The following NCALD variants were observed in gnomAD, a reference collection of about 807,000 sequenced individuals.
The protein encoded by NCALD is neurocalcin delta.
In NCALD, 10 loss-of-function variants were observed where a neutral mutation model predicts 18.6. The observed-to-expected ratio is 0.54, with a 90% CI of 0.33 to 0.91. The LOEUF (loss-of-function observed/expected upper bound fraction) is 0.91, where lower values mean the gene tolerates loss of function less well. Ranked by LOEUF, NCALD falls within the 40% of genes least tolerant of loss-of-function variation. NCALD has a pLI of 0.03. For synonymous variants in NCALD, 88 were observed against 87.4 expected (o/e 1.01, Z -0.04); for missense variants, 184 against 247.6 (o/e 0.74, Z 1.72).
chr8:101,763,449 A>G (rs1425795115), intron 1 of NCALD, among the ~76,000 whole-genome samples: 1 of 152,178 alleles, frequency 6.6e-6, no homozygotes. Context: ...AACCAATGAC[A>G]GGGAAAGGTA....
chr8:102,062,267 C>T (rs531409186), intron 1 of NCALD, among the ~76,000 whole-genome samples: 5 of 152,308 alleles, frequency 3.3e-5, no homozygotes, highest in Middle Eastern at 6.8e-3. Flanking sequence ...CGCACCACTG[C>T]GCTCCAGCCT....
At chr8:101,911,421 G>A (rs1472236163) in intron 3 of NCALD, among the ~76,000 whole-genome samples, 47 of 149,172 alleles carry the variant, frequency 3.2e-4, no homozygotes, top group African/African-American at 1.1e-3. Flanking sequence ...GCAATGGCGC[G>A]ATCTCGGCTC....
At chr8:101,706,318 A>T (rs992040867) in intron 2 of NCALD, among the ~76,000 whole-genome samples, 33 of 133,922 alleles carry the variant, frequency 2.5e-4, no homozygotes, top group African/African-American at 7.0e-4. Context: ...AAGACTATTT[A>T]AAAAAAAAAA....
intron 4 of NCALD, among the ~76,000 whole-genome samples, chr8:101,806,442 A>G (rs568915904): frequency 3.6e-4 from 55 of 152,270 alleles, no homozygotes; most frequent in Non-Finnish European, 5.0e-4. Context: ...AAAGAAAATC[A>G]TACTTTATGA....
intron 1 of NCALD, among the ~76,000 whole-genome samples, chr8:102,085,926 C>T (rs958090959): frequency 2.0e-5 from 3 of 152,086 alleles, no homozygotes; most frequent in African/African-American, 4.8e-5. Flanking sequence ...ATTTTGTTGA[C>T]TCTCATATAT....
Position 101,921,915 on chromosome 8 carries a change from T to C in NCALD, c.-156-6057A>G, listed in dbSNP as rs988363642. Among the ~76,000 whole-genome samples, 5 of 152,054 alleles carry C rather than the reference T, an allele frequency of 3.3e-5. No individual in the cohort carries two copies. The East Asian group carries it at 9.6e-4, about 29-fold the overall frequency. ...TATTCCTTCATCTCAAAGTTATATT[T>C]TTGACACCCAAACATGATACAACTT... On this transcript the variant is annotated intron_variant, in intron 2 of 6. Coordinates refer to the NCALD transcript ENST00000311028.
chr8:101,764,902 T>C (rs1189884023), intron 1 of NCALD, among the ~76,000 whole-genome samples: 5 of 152,206 alleles, frequency 3.3e-5, no homozygotes, highest in South Asian at 4.1e-4. Context: ...TTGTTCTAAC[T>C]TGAACACAGG....
At chr8:101,823,751 A>G (rs757412015) in intron 4 of NCALD, among the ~76,000 whole-genome samples, 26 of 152,218 alleles carry the variant, frequency 1.7e-4, no homozygotes, top group Non-Finnish European at 2.9e-4. Context: ...GCAAAGCTTT[A>G]GGAGGAAGCC....
At chr8:101,961,646 T>C (rs1819840447) in intron 2 of NCALD, among the ~76,000 whole-genome samples, 1 of 152,144 alleles carries the variant, frequency 6.6e-6, no homozygotes, top group South Asian at 2.1e-4. Flanking sequence ...TCCAGGCTGG[T>C]CTTGAAGTCC....
At chr8:101,849,898 T>C (rs1815022331) in intron 4 of NCALD, among the ~76,000 whole-genome samples, 2 of 152,224 alleles carry the variant, frequency 1.3e-5, no homozygotes, top group African/African-American at 4.8e-5. Context: ...CTTCCCTGTG[T>C]TTCCCCAGCC....
chr8:101,769,027 G>A (rs1273862815), intron 1 of NCALD, among the ~76,000 whole-genome samples: 1 of 152,130 alleles, frequency 6.6e-6, no homozygotes, highest in African/African-American at 2.4e-5. Context: ...GAGGTGAGGT[G>A]ATGGTGGAAG....
intron 4 of NCALD, among the ~76,000 whole-genome samples, chr8:101,807,756 C>T (rs1346476108): frequency 6.6e-6 from 1 of 152,162 alleles, no homozygotes; most frequent in Non-Finnish European, 1.5e-5. Context: ...AAATAGCACC[C>T]TTGCATTGTG....
intron 2 of NCALD, among the ~76,000 whole-genome samples, chr8:101,932,993 A>G (rs1337641649): frequency 6.6e-6 from 1 of 152,058 alleles, no homozygotes; most frequent in Non-Finnish European, 1.5e-5. Context: ...GATAGCAACA[A>G]TTTTTCTTCC....
intron 2 of NCALD, among the ~76,000 whole-genome samples, chr8:101,952,526 A>T (rs1281598047): frequency 1.3e-5 from 2 of 152,070 alleles, no homozygotes; most frequent in East Asian, 3.9e-4. Context: ...TGGGAGAATC[A>T]TTTCCAGTGT....
At chr8:101,714,954 G>C (rs543595915) in intron 2 of NCALD, among the ~76,000 whole-genome samples, 1 of 149,234 alleles carries the variant, frequency 6.7e-6, no homozygotes, top group Non-Finnish European at 1.5e-5. Flanking sequence ...CCGAGATTGC[G>C]CCACTGCAGT....
chr8:102,067,126 G>A (rs1007888954), intron 1 of NCALD, among the ~76,000 whole-genome samples: 1 of 152,114 alleles, frequency 6.6e-6, no homozygotes, highest in African/African-American at 2.4e-5. Flanking sequence ...ACCTCCAATA[G>A]AGTCCCCCAA....
chr8:101,857,233 C>T (rs1039340814), intron 4 of NCALD, among the ~76,000 whole-genome samples: 3 of 152,132 alleles, frequency 2.0e-5, no homozygotes, highest in African/African-American at 7.2e-5. Flanking sequence ...CCTCCTCCAA[C>T]TCTGTCTCCT....
At chr8:102,097,844 C>T (rs1825153700) in intron 1 of NCALD, among the ~76,000 whole-genome samples, 2 of 152,166 alleles carry the variant, frequency 1.3e-5, no homozygotes, top group South Asian at 4.1e-4. Flanking sequence ...ACATGACAAG[C>T]CTTCACCCTA....
chr8:101,762,669 G>T (rs1208699299), intron 1 of NCALD, among the ~76,000 whole-genome samples: 2 of 151,506 alleles, frequency 1.3e-5, no homozygotes, highest in Admixed American at 1.3e-4. Context: ...CCATCTCCCA[G>T]GTTCAAGCAG....
Sources: gnomAD v4.1 joint callset for allele counts (sites outside exome capture counted in the v4.1 genomes callset) on GRCh38, gnomAD v4.1.1 for gene constraint, MANE v1.5 for transcripts, NCBI Gene and HGNC (gene_info 2026-07-23, HGNC 2026-07-21) for gene names.